The following BBS9 variants were observed in gnomAD, a reference collection of about 807,000 sequenced individuals.
BBS9 encodes protein PTHB1.
In BBS9, 89 loss-of-function variants were observed where a neutral mutation model predicts 117.7. That is an observed-to-expected ratio of 0.76 (90% CI 0.64 to 0.90). BBS9 has a LOEUF of 0.90. Among genes scored for constraint, BBS9 ranks in the 40% least tolerant of loss-of-function variants. The probability of loss-of-function intolerance (pLI) is 0.00; values close to 1 mark genes in which losing one functional copy is unlikely to be tolerated. For missense variants in BBS9, 982 were observed against 1,042.2 expected (o/e 0.94, Z 0.80); for synonymous variants, 379 against 370.9 (o/e 1.02, Z -0.25).
intron 5 of BBS9, among the ~76,000 whole-genome samples, chr7:33,222,910 G>C (rs1023530684): frequency 2.7e-5 from 4 of 150,360 alleles, no homozygotes; most frequent in African/African-American, 4.9e-5. Flanking sequence ...CTGAGATCAC[G>C]CCACTGTACT....
At chr7:33,492,854 G>A (rs1445989815) in intron 19 of BBS9, among the ~76,000 whole-genome samples, 4 of 138,936 alleles carry the variant, frequency 2.9e-5, no homozygotes, top group Admixed American at 2.2e-4. Context: ...GTGTGTGTGT[G>A]TATGTGTTGA....
At chr7:33,366,289 T>C (rs957293570) in intron 16 of BBS9, among the ~76,000 whole-genome samples, 3 of 152,158 alleles carry the variant, frequency 2.0e-5, no homozygotes, top group Non-Finnish European at 4.4e-5. Flanking sequence ...GCTGTTGCCT[T>C]TATTCTTTGT....
At chr7:33,516,496 A>G (rs1487551726) in intron 20 of BBS9, among the ~76,000 whole-genome samples, 1 of 150,102 alleles carries the variant, frequency 6.7e-6, no homozygotes, top group Non-Finnish European at 1.5e-5. Flanking sequence ...CCAAAAAAAA[A>G]AAAAAAAAAA....
intron 19 of BBS9, among the ~76,000 whole-genome samples, chr7:33,457,066 C>T (rs570371932): frequency 3.3e-5 from 5 of 152,108 alleles, no homozygotes; most frequent in East Asian, 3.9e-4. Flanking sequence ...CATACGTGTA[C>T]GTCAGACTAT....
At chr7:33,249,138 T>G (rs888311449) in intron 5 of BBS9, among the ~76,000 whole-genome samples, 1 of 152,028 alleles carries the variant, frequency 6.6e-6, no homozygotes. Context: ...CATTCAGGAC[T>G]GCCCTCCATG....
chr7:33,396,805 C>T (rs899696905), intron 19 of BBS9, among the ~76,000 whole-genome samples: 1 of 152,096 alleles, frequency 6.6e-6, no homozygotes, highest in Non-Finnish European at 1.5e-5. Flanking sequence ...CAAGAACACA[C>T]ACAAAGACCA....
At chr7:33,395,959 C>G (rs547732530) in intron 19 of BBS9, among the ~76,000 whole-genome samples, 1 of 151,964 alleles carries the variant, frequency 6.6e-6, no homozygotes, top group African/African-American at 2.4e-5. Flanking sequence ...TTTCATATAA[C>G]CACTTAAGAG....
intron 19 of BBS9, among the ~76,000 whole-genome samples, chr7:33,420,450 C>T (rs559245369): frequency 2.3e-4 from 35 of 152,228 alleles, no homozygotes; most frequent in Non-Finnish European, 4.7e-4. Context: ...GGTTTGCTGC[C>T]TGACCAGCAC....
intron 19 of BBS9, among the ~76,000 whole-genome samples, chr7:33,470,015 A>C (rs960926603): frequency 6.6e-6 from 1 of 152,172 alleles, no homozygotes; most frequent in Admixed American, 6.5e-5. Flanking sequence ...TGTTAAATTG[A>C]ATTTGTTCTG....
At chr7:33,511,045 G>A (rs996486091) in intron 20 of BBS9, among the ~76,000 whole-genome samples, 4 of 152,186 alleles carry the variant, frequency 2.6e-5, no homozygotes, top group African/African-American at 9.6e-5. Flanking sequence ...AGAGAGGCAA[G>A]AAGCTGGCAC....
chr7:33,609,409 A>G (rs1864751582), downstream of BBS9, among the ~76,000 whole-genome samples: 2 of 152,192 alleles, frequency 1.3e-5, no homozygotes, highest in Admixed American at 6.6e-5. Flanking sequence ...TTTCAAATGT[A>G]TCATCTCATC....
At chr7:33,434,411 C>A (rs1187949762) in intron 19 of BBS9, among the ~76,000 whole-genome samples, 1 of 151,928 alleles carries the variant, frequency 6.6e-6, no homozygotes, top group African/African-American at 2.4e-5. Flanking sequence ...GCTAAACAAC[C>A]AAAGCAACTC....
At chr7:33,137,513 G>T (rs533829853) in intron 1 of BBS9, among the ~76,000 whole-genome samples, 24 of 152,212 alleles carry the variant, frequency 1.6e-4, no homozygotes, top group Non-Finnish European at 3.2e-4. Context: ...CAGTGTCTTC[G>T]CAGTGGCTGC....
chr7:33,219,437 C>T (rs547056446), intron 5 of BBS9, among the ~76,000 whole-genome samples: 1 of 152,322 alleles, frequency 6.6e-6, no homozygotes, highest in Admixed American at 6.5e-5. Context: ...AGCTGGGCTC[C>T]TAAGTCTGGT....
chr7:33,331,297 A>C (rs191315900), intron 9 of BBS9, among the ~76,000 whole-genome samples: 3 of 152,328 alleles, frequency 2.0e-5, no homozygotes, highest in Admixed American at 2.0e-4. Flanking sequence ...TATATGACAA[A>C]CCCACAGCCA....
intron 1 of BBS9, among the ~76,000 whole-genome samples, chr7:33,137,577 A>G (rs1470663780): frequency 6.6e-6 from 1 of 152,082 alleles, no homozygotes; most frequent in African/African-American, 2.4e-5. Context: ...TTATCAAAGG[A>G]AATTAGTGGT....
chr7:33,382,882 T>G (rs1825339608), intron 17 of BBS9, among the ~76,000 whole-genome samples: 1 of 152,214 alleles, frequency 6.6e-6, no homozygotes, highest in South Asian at 2.1e-4. Context: ...TTTAATTGCT[T>G]TTGATCTTTG....
At chr7:33,239,519 C>G (rs577345404) in intron 5 of BBS9, among the ~76,000 whole-genome samples, 1 of 152,042 alleles carries the variant, frequency 6.6e-6, no homozygotes, top group Non-Finnish European at 1.5e-5. Context: ...AAGCGATTCT[C>G]CTGCCTCAGT....
At chr7:33,432,984 A>T in intron 19 of BBS9, among the ~76,000 whole-genome samples, 1 of 152,180 alleles carries the variant, frequency 6.6e-6, no homozygotes, top group East Asian at 1.9e-4. Context: ...TGTGACTAAG[A>T]GAGGGTTTAT....
Sources: allele counts gnomAD v4.1 joint callset (sites outside exome capture counted in the v4.1 genomes callset), GRCh38; gene constraint gnomAD v4.1.1; transcripts MANE v1.5; gene names NCBI Gene and HGNC (gene_info 2026-07-23, HGNC 2026-07-21).